The following CFAP20DC variants were observed in gnomAD, a reference collection of about 807,000 sequenced individuals.
CFAP20DC encodes CFAP20 domain containing, also known as protein CFAP20DC.
Under a neutral mutation model 101.7 loss-of-function variants are expected in CFAP20DC, and 84 were observed. The ratio of observed to expected loss-of-function variants is 0.83; its 90% confidence interval spans 0.69 to 0.99. The LOEUF is 0.99. Ranked by LOEUF, CFAP20DC falls within the 50% of genes least tolerant of loss-of-function variation. The probability of loss-of-function intolerance (pLI) is 0.00; values close to 1 mark genes in which losing one functional copy is unlikely to be tolerated. For missense variants in CFAP20DC, 1,007 were observed against 970.3 expected (o/e 1.04, Z -0.50); for synonymous variants, 359 against 351.2 (o/e 1.02, Z -0.25).
chr3:59,047,863 TG>T (rs1197447256), intron 1 of CFAP20DC, among the ~76,000 whole-genome samples: 1 of 152,026 alleles, frequency 6.6e-6, no homozygotes, highest in Non-Finnish European at 1.5e-5. Context: ...ATTCAAAAAA[TG>T]GGAAGGGAAA....
intron 4 of CFAP20DC, among the ~76,000 whole-genome samples, chr3:59,034,901 G>T (rs898269938): frequency 1.3e-5 from 2 of 152,130 alleles, no homozygotes; most frequent in African/African-American, 4.8e-5. Context: ...ATTCTTCTCA[G>T]TACCACATTG....
At chr3:58,904,493 A>C in intron 6 of CFAP20DC, among the ~76,000 whole-genome samples, 1 of 152,264 alleles carries the variant, frequency 6.6e-6, no homozygotes, top group African/African-American at 2.4e-5. Context: ...CATCTCCACT[A>C]CAGGAAGGTA....
At chr3:58,902,264 T>C (rs1395991302) in intron 6 of CFAP20DC, among the ~76,000 whole-genome samples, 2 of 152,242 alleles carry the variant, frequency 1.3e-5, no homozygotes, top group Admixed American at 1.3e-4. Context: ...TGTATGTACA[T>C]GCACTTGTTT....
intron 15 of CFAP20DC, among the ~76,000 whole-genome samples, chr3:58,775,621 T>C (rs2071258391): frequency 6.6e-6 from 1 of 152,074 alleles, no homozygotes; most frequent in African/African-American, 2.4e-5. Flanking sequence ...AAGAGAAGGG[T>C]AAACATGGTA....
chr3:58,849,663 C>G (rs746929119), intron 12 of CFAP20DC, among the ~76,000 whole-genome samples: 1 of 152,064 alleles, frequency 6.6e-6, no homozygotes, highest in Non-Finnish European at 1.5e-5. Context: ...TCATGAAAAA[C>G]AAGAGAACAT....
intron 15 of CFAP20DC, among the ~76,000 whole-genome samples, chr3:58,767,656 A>C (rs2107462229): frequency 6.6e-6 from 1 of 152,298 alleles, no homozygotes. Context: ...AGCCTCCCAA[A>C]GTGTTGGGAT....
At chr3:59,018,355 T>C (rs915724186) in intron 4 of CFAP20DC, 2 of 152,214 alleles carry the variant, frequency 1.3e-5, no homozygotes, top group African/African-American at 4.8e-5. Context: ...AAGATATTTA[T>C]AAAGTCTCAA....
intron 14 of CFAP20DC, among the ~76,000 whole-genome samples, chr3:58,809,008 G>C (rs900429781): frequency 2.7e-4 from 41 of 152,006 alleles, no homozygotes; most frequent in African/African-American, 8.7e-4. Flanking sequence ...TCAACAAGAA[G>C]AGCTAACTAT....
rs145543936 is a variant in CFAP20DC, at chr3:58,914,173, T to C, written c.394-309A>G. Among the ~76,000 whole-genome samples, 239 of 152,260 alleles carry C rather than the reference T, an allele frequency of 1.6e-3. 1 individual carries two copies. Among genetic ancestry groups the C allele is most frequent in the Middle Eastern group, 3.4e-3 (1 of 294 alleles). The stretch of plus-strand genomic sequence containing the variant: ...AGGCAGTATGCCAGCAGGAAGCTAA[T>C]TGCAGGTGTGTTAGACCAGTGACAT... On this transcript the variant is annotated intron_variant, in intron 5 of 16. Coordinates refer to ENST00000482387, the MANE Select transcript of CFAP20DC (RefSeq NM_001394063.1). This position sits in a 1 kb window ranked among gnomAD's most constrained non-coding sequence, Gnocchi z 4.9.
At position 58,971,864 on chromosome 3, in the gene CFAP20DC, T is replaced by TACACACACACACAC. The variant is rs34030341; in HGVS notation, c.279-34116_279-34103dup. ...CTGTAATATCATACACACGCACACA[T>TACACACACACACAC]ACACACACACACACACACACACACA... On this transcript the variant is annotated intron_variant, in intron 4 of 16. Coordinates refer to ENST00000482387, the MANE Select transcript of CFAP20DC (RefSeq NM_001394063.1). This position sits in a 1 kb window ranked among gnomAD's most constrained non-coding sequence, Gnocchi z 4.1. Among the ~76,000 whole-genome samples, 1 of 142,380 alleles carries TACACACACACACAC rather than the reference T, an allele frequency of 7.0e-6. No individual in the cohort carries two copies. Among genetic ancestry groups the TACACACACACACAC allele is most frequent in the African/African-American group, 2.5e-5 (1 of 39,356 alleles). The allele number at this position is 142,380 out of a possible 152,430, so 93.4% of individuals were successfully genotyped here.
chr3:58,870,388 C>A, intron 7 of CFAP20DC, 79 bp from the exon 8 acceptor site: 1 of 1,452,218 alleles, frequency 6.9e-7, no homozygotes, highest in South Asian at 1.2e-5. Context: ...TTCTAAAAAT[C>A]CAGTCCAGGT....
intron 15 of CFAP20DC, among the ~76,000 whole-genome samples, chr3:58,776,022 G>A (rs934168456): frequency 3.3e-5 from 5 of 152,050 alleles, no homozygotes; most frequent in African/African-American, 9.7e-5. Context: ...GATTACAGGC[G>A]TGAGCCACTG....
At chr3:58,968,764 T>C (rs867980408) in intron 4 of CFAP20DC, among the ~76,000 whole-genome samples, 1 of 152,142 alleles carries the variant, frequency 6.6e-6, no homozygotes, top group African/African-American at 2.4e-5. Context: ...TTGGTGTCTT[T>C]GTCATGAAAT....
In CFAP20DC at chr3:58,779,633, T is replaced by C. The variant is rs1575617692; in HGVS notation, c.2238-25770A>G. On this transcript the variant is annotated intron_variant, in intron 15 of 16. Coordinates refer to ENST00000482387, the MANE Select transcript of CFAP20DC (RefSeq NM_001394063.1). ...AAGAAAGAATCTCAGAACTGAAAGG[T>C]AGCTATTTTGAAATGACCCAGTCTG... Among the ~76,000 whole-genome samples the C allele has an allele frequency of 2.0e-5, 3 of 152,054 alleles. No individual in the cohort carries two copies. The South Asian group carries it at 6.2e-4, about 32-fold the overall frequency.
rs1249077906 is a variant in CFAP20DC at position 58,815,695 on chromosome 3, C to T, written c.2176-9239G>A. Among the ~76,000 whole-genome samples, 192 of 150,968 alleles carry T rather than the reference C, an allele frequency of 1.3e-3. 4 individuals are homozygous for T. The highest frequency in any genetic ancestry group is 4.1e-3 in the African/African-American group (168 of 40,850). On this transcript the variant is annotated intron_variant, in intron 14 of 16. Coordinates refer to ENST00000482387, the MANE Select transcript of CFAP20DC (RefSeq NM_001394063.1). ...ACAAACAACCCCATCAAAAAGTGGG[C>T]GAAGGACATGAACAGACACTTCTCA...
At chr3:59,035,705 T>C (rs2094087472) in intron 4 of CFAP20DC, among the ~76,000 whole-genome samples, 1 of 152,158 alleles carries the variant, frequency 6.6e-6, no homozygotes, top group Non-Finnish European at 1.5e-5. Context: ...CAGTAATTAA[T>C]ACCCTACCAA....
rs1340028071 is a variant in CFAP20DC at position 58,912,937 on chromosome 3, C to A, written c.550+771G>T. Among the ~76,000 whole-genome samples the A allele has an allele frequency of 6.6e-6, 1 of 152,006 alleles. No homozygotes were observed. The highest frequency in any genetic ancestry group is 6.6e-5 in the Admixed American group (1 of 15,250). ...CATAATGGACAGAGATTTTTGAATG[C>A]CCAACATCTTTTGCACACCCTTCCT... On this transcript the variant is annotated intron_variant, in intron 6 of 16. Coordinates refer to ENST00000482387, the MANE Select transcript of CFAP20DC (RefSeq NM_001394063.1). This position sits in a 1 kb window ranked among gnomAD's most constrained non-coding sequence, Gnocchi z 4.4.
In CFAP20DC at chr3:59,013,274, G is replaced by T. The variant is rs180927280; in HGVS notation, c.278+26283C>A. On this transcript the variant is annotated intron_variant, in intron 4 of 16. Transcript: ENST00000482387. ...CTGTTCAAGAAAGAAGAGAAAAATG[G>T]AGGAGCGTTTGTCACAGGAAGTAAC... Among the ~76,000 whole-genome samples, 418 of 152,280 alleles carry T rather than the reference G, an allele frequency of 2.7e-3. 1 individual carries two copies. Among genetic ancestry groups the T allele is most frequent in the Non-Finnish European group, 4.3e-3 (291 of 68,018 alleles).
intron 4 of CFAP20DC, among the ~76,000 whole-genome samples, chr3:59,035,177 A>G (rs1246511707): frequency 2.6e-5 from 4 of 152,144 alleles, no homozygotes; most frequent in Non-Finnish European, 5.9e-5. Context: ...AGAATCTCTG[A>G]AACACAGCTA....
Sources: gnomAD v4.1 joint callset for allele counts (sites outside exome capture counted in the v4.1 genomes callset) on GRCh38, gnomAD v4.1.1 for gene constraint, Gnocchi (gnomAD v3.1) non-coding constraint, MANE v1.5 for transcripts, NCBI Gene and HGNC (gene_info 2026-07-23, HGNC 2026-07-21) for gene names.